The following OSBP2 variants were observed in gnomAD, a reference collection of about 807,000 sequenced individuals.
OSBP2 encodes the protein oxysterol-binding protein 2.
OSBP2 carries 66 observed loss-of-function variants against 96.0 expected under a neutral mutation model. The observed-to-expected ratio is 0.69, with a 90% CI of 0.56 to 0.84. OSBP2 has a LOEUF of 0.84. Among genes scored for constraint, OSBP2 ranks in the 40% least tolerant of loss-of-function variants. The probability of loss-of-function intolerance (pLI) is 0.00; values close to 1 mark genes in which losing one functional copy is unlikely to be tolerated. For missense variants in OSBP2, 1,038 were observed against 1,222.7 expected (o/e 0.85, Z 2.25); for synonymous variants, 525 against 520.9 (o/e 1.01, Z -0.11).
At chr22:30,888,459 C>G (rs1051362349) in intron 5 of OSBP2, 119 bp downstream of exon 5, 1 of 721,128 alleles carries the variant, frequency 1.4e-6, no homozygotes, top group Non-Finnish European at 2.4e-6. Context: ...CTTGCTTTGG[C>G]CAGGCCCAGT....
At chr22:30,778,619 T>C (rs1227645153) in intron 2 of OSBP2, among the ~76,000 whole-genome samples, 2 of 152,130 alleles carry the variant, frequency 1.3e-5, no homozygotes, top group Non-Finnish European at 2.9e-5. Context: ...GTGAATGATA[T>C]TGTGGCTCTT....
intron 1 of OSBP2, among the ~76,000 whole-genome samples, chr22:30,719,644 C>T (rs2089514825): frequency 6.6e-6 from 1 of 151,500 alleles, no homozygotes; most frequent in Non-Finnish European, 1.5e-5. Flanking sequence ...ATCCCAGCTA[C>T]TTGGAAGGCT....
At chr22:30,851,237 ATT>A (rs58883835) in intron 2 of OSBP2, among the ~76,000 whole-genome samples, 8 of 144,800 alleles carry the variant, frequency 5.5e-5, no homozygotes, top group African/African-American at 5.0e-5. Flanking sequence ...TAATTTTTGT[ATT>A]TTTTTTTTTT....
intron 2 of OSBP2, among the ~76,000 whole-genome samples, chr22:30,769,134 G>A (rs1183745098): frequency 2.6e-5 from 4 of 152,160 alleles, no homozygotes; most frequent in East Asian, 3.8e-4. Flanking sequence ...GGGGCCCCTC[G>A]GTCAGTTTGC....
intron 4 of OSBP2, among the ~76,000 whole-genome samples, chr22:30,887,826 CAA>C (rs1231635371): frequency 2.0e-5 from 3 of 152,214 alleles, no homozygotes; most frequent in Non-Finnish European, 2.9e-5. Flanking sequence ...TTCACATTCT[CAA>C]GAGTTAAATT....
At chr22:30,801,355 T>C (rs1258151449) in intron 2 of OSBP2, among the ~76,000 whole-genome samples, 7 of 152,242 alleles carry the variant, frequency 4.6e-5, no homozygotes, top group African/African-American at 1.7e-4. Flanking sequence ...GTACCATATG[T>C]GGCATGTGCT....
In OSBP2 at chr22:30,907,045, C is replaced by A. The variant is rs2040349118; in HGVS notation, c.*706C>A. 1 of 152,562 alleles carries A rather than the reference C, an allele frequency of 6.6e-6. No individual in the cohort carries two copies. The highest frequency in any genetic ancestry group is 1.5e-5 in the Non-Finnish European group (1 of 68,070). The allele number at this position is 152,562 out of a possible 1,614,324, so 9.5% of individuals were successfully genotyped here. On this transcript the variant is annotated 3_prime_UTR_variant, in exon 14 of 14. Transcript: ENST00000332585. ...ATGCAGGAGGGGGTACTGATGGTAA[C>A]CCCCATGTGGATTTGAGGGCAGCAG...
chr22:30,864,716 G>A lies in OSBP2; in HGVS notation c.854-5713G>A, dbSNP rs566815884. ...CCTGCCAGGCCCATCTTAGCAGTAC[G>A]TCCCCCAAAACTCATCCAGCCCAGC... On this transcript the variant is annotated intron_variant, in intron 2 of 13. Transcript: ENST00000332585. 2.6e-5 allele frequency among the ~76,000 whole-genome samples: 4 copies of A among 152,052 alleles called. No individual in the cohort carries two copies. The South Asian group carries it at 6.2e-4, about 24-fold the overall frequency.
At position 30,871,610 on chromosome 22, in the gene OSBP2, C is replaced by T. The variant is rs1009702904; in HGVS notation, c.1107+928C>T. On this transcript the variant is annotated intron_variant, in intron 3 of 13. Transcript: ENST00000332585. This position sits in a 1 kb window ranked among gnomAD's most constrained non-coding sequence, Gnocchi z 4.7. ...AGAGAAGGGGGTTCAGGAGAGTCATCGTGCTGGCTGGGGACAGTGGGCAGT... is the reference window on the plus strand; with the variant it reads ...AGAGAAGGGGGTTCAGGAGAGTCATTGTGCTGGCTGGGGACAGTGGGCAGT... Among the ~76,000 whole-genome samples, 3 of 152,168 alleles carry T rather than the reference C, an allele frequency of 2.0e-5. No homozygotes were observed. The highest frequency in any genetic ancestry group is 7.2e-5 in the African/African-American group (3 of 41,450).
intron 3 of OSBP2, among the ~76,000 whole-genome samples, chr22:30,876,359 G>C (rs2039578023): frequency 1.3e-5 from 2 of 152,196 alleles, no homozygotes; most frequent in African/African-American, 4.8e-5. Context: ...CCGTGGGCAG[G>C]ACTTGGTCAT....
chr22:30,809,588 A>T (rs1006823659), intron 2 of OSBP2, among the ~76,000 whole-genome samples: 4 of 152,164 alleles, frequency 2.6e-5, no homozygotes, highest in African/African-American at 9.7e-5. Context: ...GGGACTGGGG[A>T]GTGCTGAGCC....
At chr22:30,753,242 G>C (rs1372723411) in intron 2 of OSBP2, among the ~76,000 whole-genome samples, 1 of 152,130 alleles carries the variant, frequency 6.6e-6, no homozygotes, top group Non-Finnish European at 1.5e-5. Flanking sequence ...GTCTTGGGGT[G>C]GCTGGAGGTG....
rs750743946 is a variant in OSBP2 at position 30,889,033 on chromosome 22, G to T, written c.1419-144G>T. 8.0e-6 allele frequency: 5 copies of T among 628,312 alleles called. No individual in the cohort carries two copies. In the African/African-American group the frequency reaches 9.2e-5, roughly 12 times the overall value. The allele number at this position is 628,312 out of a possible 1,614,324, so 38.9% of individuals were successfully genotyped here. On this transcript the variant is annotated intron_variant, in intron 5 of 13. Transcript: ENST00000332585. ...TCCACCCTTGAAATGTTGTTATTGC[G>T]GTGCCTGTCTACACACAGAACACAC...
chr22:30,801,816 CA>C (rs879279586), intron 2 of OSBP2, among the ~76,000 whole-genome samples: 3 of 151,978 alleles, frequency 2.0e-5, no homozygotes, highest in South Asian at 2.1e-4. Flanking sequence ...TCAACAACAA[CA>C]AAAAAAAATC....
At chr22:30,880,929 A>G (rs574096352) in intron 3 of OSBP2, among the ~76,000 whole-genome samples, 1 of 152,262 alleles carries the variant, frequency 6.6e-6, no homozygotes, top group Non-Finnish European at 1.5e-5. Context: ...GGCAGCCCTT[A>G]CAGCCTTCTT....
intron 3 of OSBP2, among the ~76,000 whole-genome samples, chr22:30,886,135 T>C (rs962939790): frequency 2.0e-5 from 3 of 152,246 alleles, no homozygotes; most frequent in Non-Finnish European, 2.9e-5. Context: ...CCTGAGAACA[T>C]GTGCCCAAGG....
At chr22:30,756,962 C>G (rs1336549811) in intron 2 of OSBP2, among the ~76,000 whole-genome samples, 1 of 151,994 alleles carries the variant, frequency 6.6e-6, no homozygotes, top group African/African-American at 2.4e-5. Flanking sequence ...ACTCCTCAAA[C>G]CCAGGGTATC....
intron 2 of OSBP2, among the ~76,000 whole-genome samples, chr22:30,858,187 C>T (rs945138439): frequency 3.4e-5 from 5 of 146,006 alleles, no homozygotes; most frequent in African/African-American, 1.3e-4. Context: ...TCGCCCAGGC[C>T]GGACTGCGGA....
At chr22:30,798,773 G>T (rs1442091732) in intron 2 of OSBP2, among the ~76,000 whole-genome samples, 1 of 152,132 alleles carries the variant, frequency 6.6e-6, no homozygotes, top group East Asian at 1.9e-4. Context: ...AGCACTTTGG[G>T]AGGCCAAGGC....
Sources: gnomAD v4.1 joint callset for allele counts (sites outside exome capture counted in the v4.1 genomes callset) on GRCh38, gnomAD v4.1.1 for gene constraint, Gnocchi (gnomAD v3.1) non-coding constraint, MANE v1.5 for transcripts, NCBI Gene and HGNC (gene_info 2026-07-23, HGNC 2026-07-21) for gene names.